The following FHIT variants were observed in gnomAD, a reference collection of about 807,000 sequenced individuals.
The protein encoded by FHIT is fragile histidine triad diadenosine triphosphatase.
In FHIT, 19 loss-of-function variants were observed where a neutral mutation model predicts 17.9. The observed-to-expected ratio is 1.06, with a 90% CI of 0.74 to 1.56. The LOEUF (loss-of-function observed/expected upper bound fraction) is 1.56, where lower values mean the gene tolerates loss of function less well. Ranked by LOEUF, FHIT falls within the 40% of genes most tolerant of loss-of-function variation. The pLI, the probability that FHIT is intolerant of heterozygous loss-of-function variation, is 0.00. For missense variants in FHIT, 248 were observed against 189.2 expected (o/e 1.31, Z -1.82); for synonymous variants, 81 against 69.7 (o/e 1.16, Z -0.81).
intron 4 of FHIT, among the ~76,000 whole-genome samples, chr3:60,737,455 A>G (rs2042156546): frequency 6.6e-6 from 1 of 152,266 alleles, no homozygotes; most frequent in African/African-American, 2.4e-5. Context: ...GTTTACAAAT[A>G]TCTAAATTCT....
chr3:59,918,813 A>C (rs1973780), intron 8 of FHIT, among the ~76,000 whole-genome samples: 83,497 of 152,020 alleles, frequency 0.55, 24,415 homozygotes, highest in East Asian at 0.92. Flanking sequence ...ACTCATTAAA[A>C]AATACTTTAC....
At chr3:60,568,061 G>A (rs1346921775) in intron 4 of FHIT, among the ~76,000 whole-genome samples, 3 of 152,144 alleles carry the variant, frequency 2.0e-5, no homozygotes, top group African/African-American at 7.2e-5. Flanking sequence ...ATTCCTCAGG[G>A]ATCTTGAACT....
intron 7 of FHIT, among the ~76,000 whole-genome samples, chr3:59,971,542 G>A (rs1420882610): frequency 2.0e-5 from 3 of 152,082 alleles, no homozygotes; most frequent in Admixed American, 6.6e-5. Flanking sequence ...GAATTTAAGG[G>A]ACTCACCCCT....
chr3:60,671,113 G>A (rs2040493838), intron 4 of FHIT, among the ~76,000 whole-genome samples: 1 of 152,130 alleles, frequency 6.6e-6, no homozygotes, highest in South Asian at 2.1e-4. Context: ...CTCACTCAGT[G>A]TCTTCAAGGA....
chr3:59,804,266 C>T (rs543304191), intron 8 of FHIT, among the ~76,000 whole-genome samples: 4 of 152,266 alleles, frequency 2.6e-5, no homozygotes, highest in South Asian at 2.1e-4. Flanking sequence ...GACTGCCAGG[C>T]GTCGGTCAAG....
Position 60,129,050 on chromosome 3 carries a change from T to TTG in FHIT, c.104-114899_104-114898insCA, listed in dbSNP as rs1292867954. 1.7e-3 allele frequency among the ~76,000 whole-genome samples: 93 copies of TTG among 54,622 alleles called. 4 individuals carry two copies. The highest frequency in any genetic ancestry group is 0.016 in the Admixed American group (77 of 4,876). 35.8% of individuals were successfully genotyped at this position (54,622 alleles called of 152,430 possible). A position where few individuals can be genotyped will look rare whatever the true frequency, so the allele number is the denominator to read the frequency against. On this transcript the variant is annotated intron_variant, in intron 5 of 9. Transcript: ENST00000492590. ...TTCCCTTTTCTTCTTTCCTTTTTTGTTTGTTTTTTTTTTTTTTTTTGAAAC... is the reference window on the plus strand; with the variant it reads ...TTCCCTTTTCTTCTTTCCTTTTTTGTTGTTGTTTTTTTTTTTTTTTTTGAAAC...
chr3:60,212,717 A>G (rs1576317070), intron 5 of FHIT, among the ~76,000 whole-genome samples: 1 of 152,306 alleles, frequency 6.6e-6, no homozygotes, highest in African/African-American at 2.4e-5. Context: ...GGCATATGAA[A>G]TATCACTGGG....
chr3:59,846,518 A>C (rs1189805905), intron 8 of FHIT, among the ~76,000 whole-genome samples: 1 of 152,166 alleles, frequency 6.6e-6, no homozygotes. Context: ...TGGAGTTATA[A>C]ACCAAAGTTA....
At chr3:61,199,033 C>T (rs115037953) in intron 2 of FHIT, among the ~76,000 whole-genome samples, 16 of 152,242 alleles carry the variant, frequency 1.1e-4, no homozygotes, top group African/African-American at 3.9e-4. Context: ...TAATTCTCCA[C>T]ACCTACATGA....
intron 3 of FHIT, among the ~76,000 whole-genome samples, chr3:60,940,331 C>T (rs1436350545): frequency 6.7e-6 from 1 of 150,166 alleles, no homozygotes; most frequent in Non-Finnish European, 1.5e-5. Context: ...AAAAATAAGT[C>T]AATTTTATAG....
chr3:60,286,728 T>C (rs1199251381), intron 5 of FHIT, among the ~76,000 whole-genome samples: 3 of 152,210 alleles, frequency 2.0e-5, no homozygotes, highest in African/African-American at 7.2e-5. Context: ...TTTGTATCAA[T>C]GGGCTTAGAA....
Position 59,902,666 on chromosome 3 carries a change from C to T in FHIT, c.348+19680G>A, listed in dbSNP as rs1217200716. Among the ~76,000 whole-genome samples the T allele has an allele frequency of 2.6e-5, 4 of 152,114 alleles. No homozygotes were observed. In the East Asian group the frequency reaches 7.7e-4, roughly 29 times the overall value. ...GCAAAAACATGATAAAACTAGAAGA[C>T]ATTATGCCAAGTGGAATAAGCCAGA... On this transcript the variant is annotated intron_variant, in intron 8 of 9. Coordinates refer to ENST00000492590, the MANE Select transcript of FHIT (RefSeq NM_002012.4).
intron 8 of FHIT, among the ~76,000 whole-genome samples, chr3:59,791,061 C>CT (rs1381037358): frequency 6.6e-6 from 1 of 152,148 alleles, no homozygotes; most frequent in Non-Finnish European, 1.5e-5. Flanking sequence ...ATGCTTCGTA[C>CT]TTAGGCCTGT....
At chr3:59,920,580 G>A (rs1044450699) in intron 8 of FHIT, among the ~76,000 whole-genome samples, 1 of 152,090 alleles carries the variant, frequency 6.6e-6, no homozygotes, top group Non-Finnish European at 1.5e-5. Context: ...TTGGAACATC[G>A]ACAAGATTTC....
chr3:59,779,723 G>A (rs1702486477), intron 8 of FHIT, among the ~76,000 whole-genome samples: 3 of 152,108 alleles, frequency 2.0e-5, no homozygotes, highest in African/African-American at 7.2e-5. Context: ...CTCCCCATGG[G>A]ACCAATCCTG....
At chr3:60,953,064 G>C (rs1708958694) in intron 3 of FHIT, among the ~76,000 whole-genome samples, 1 of 152,146 alleles carries the variant, frequency 6.6e-6, no homozygotes, top group Non-Finnish European at 1.5e-5. Context: ...CTCCTCTACA[G>C]TATCCATCTT....
At chr3:60,758,852 A>G (rs186298828) in intron 4 of FHIT, among the ~76,000 whole-genome samples, 79 of 152,278 alleles carry the variant, frequency 5.2e-4, no homozygotes, top group African/African-American at 1.8e-3. Flanking sequence ...TGCTTATAAG[A>G]AATGGTTAAC....
chr3:60,366,289 C>T (rs933642015), intron 5 of FHIT, among the ~76,000 whole-genome samples: 4 of 152,108 alleles, frequency 2.6e-5, no homozygotes, highest in Non-Finnish European at 5.9e-5. Flanking sequence ...GATTCTCCTG[C>T]CTCAGCCTCA....
intron 3 of FHIT, among the ~76,000 whole-genome samples, chr3:60,831,959 G>A (rs537538297): frequency 1.7e-3 from 264 of 152,196 alleles, no homozygotes; most frequent in Middle Eastern, 6.8e-3. Flanking sequence ...TGACTTTGTA[G>A]CCCAGTTGAG....
Sources: allele counts gnomAD v4.1 joint callset (sites outside exome capture counted in the v4.1 genomes callset), GRCh38; gene constraint gnomAD v4.1.1; transcripts MANE v1.5; gene names NCBI Gene and HGNC (gene_info 2026-07-23, HGNC 2026-07-21).